The following SUPT7L variants were observed in gnomAD, a reference collection of about 807,000 sequenced individuals.
The protein encoded by SUPT7L is SPT7 like, STAGA complex subunit gamma.
A neutral mutation model predicts 35.7 loss-of-function variants in SUPT7L; 15 were observed. The observed-to-expected ratio is 0.42, with a 90% CI of 0.28 to 0.65. SUPT7L has a LOEUF of 0.65. SUPT7L is among the 30% of genes least tolerant of loss of function. The pLI, the probability that SUPT7L is intolerant of heterozygous loss-of-function variation, is 0.23. For missense variants in SUPT7L, 434 were observed against 522.2 expected, an observed-to-expected ratio of 0.83 and a Z score of 1.65; for synonymous variants, 168 against 186.2, an observed-to-expected ratio of 0.90 and a Z score of 0.79.
At chr2:27,642,950 T>TACACACACACACACAC in the SUPT7L span, among the ~76,000 whole-genome samples, 3 of 37,586 alleles carry the variant, frequency 8.0e-5, no homozygotes, top group African/African-American at 1.6e-4. Context: ...GTTTTATATA[T>TACACACACACACACAC]ATATATATAC....
At position 27,652,983 on chromosome 2, in the gene SUPT7L, T is replaced by C. The variant is rs531724824; in HGVS notation, c.*502A>G. 3 of 160,080 alleles carry C rather than the reference T, an allele frequency of 1.9e-5. No homozygotes were observed. In the East Asian group the frequency reaches 5.4e-4, roughly 29 times the overall value. 9.9% of individuals were successfully genotyped at this position (160,080 alleles called of 1,614,324 possible). ...ACTAATAGATAAGGTGTGTTGTGTT[T>C]AGCTATTTCCTGTTAGGTATTAGTA... On this transcript the variant is annotated 3_prime_UTR_variant, in exon 6 of 6. Coordinates refer to ENST00000337768, the MANE Select transcript of SUPT7L (RefSeq NM_014860.3).
chr2:27,660,142 A>G (rs142561016), intron 3 of SUPT7L, among the ~76,000 whole-genome samples: 1 of 152,076 alleles, frequency 6.6e-6, no homozygotes, highest in African/African-American at 2.4e-5. Flanking sequence ...GAGATTCTGC[A>G]TATCTAAAAA....
At position 27,655,373 on chromosome 2, in the gene SUPT7L, T is replaced by C; in HGVS notation, c.974A>G (p.Gln325Arg). The C allele has an allele frequency of 6.4e-7, 1 of 1,561,650 alleles. No homozygotes were observed. The highest frequency in any genetic ancestry group is 8.6e-7 in the Non-Finnish European group (1 of 1,156,544). ...AAGTTTATTTGTCTTACTTGAAGCC[T>C]GTGGTGAAGCTTCAACCTCCAGGTT... The part of the protein sequence containing the change: ...PSNLEVEASP[Q>R]ASSAEVNASP... Residue 325 changes from glutamine to arginine, a missense_variant, in exon 5 of 6, where the codon CAG (glutamine) becomes CGG (arginine). Coordinates refer to ENST00000337768, the MANE Select transcript of SUPT7L (RefSeq NM_014860.3).
the SUPT7L span, among the ~76,000 whole-genome samples, chr2:27,643,175 A>ATTTTTTTTATAATTAAAAAAAATTT: frequency 6.7e-6 from 1 of 149,724 alleles, no homozygotes; most frequent in East Asian, 1.9e-4. This position sits in a 1 kb window ranked among gnomAD's most constrained non-coding sequence, Gnocchi z 4.0. Context: ...ACCCTCCTCA[A>ATTTTTTTTATAATTAAAAAAAATTT]TTTTTTTTAT....
chr2:27,657,781 G>T lies in SUPT7L; in HGVS notation c.420-112C>A. ...CAAGCCACTGGCCTAGCTTTCCAGGGAAATTCCATCCAAGTTACATAGCTC... is the reference window on the plus strand; with the variant it reads ...CAAGCCACTGGCCTAGCTTTCCAGGTAAATTCCATCCAAGTTACATAGCTC... On this transcript the variant is annotated intron_variant, in intron 3 of 5. Coordinates refer to ENST00000337768, the MANE Select transcript of SUPT7L (RefSeq NM_014860.3). This position sits in a 1 kb window ranked among gnomAD's most constrained non-coding sequence, Gnocchi z 5.2. 9.5e-7 allele frequency: 1 copy of T among 1,052,636 alleles called. No individual in the cohort carries two copies. The allele number at this position is 1,052,636 out of a possible 1,614,324, so 65.2% of individuals were successfully genotyped here.
In SUPT7L at chr2:27,651,019, T is replaced by G. The variant is rs1425663740; in HGVS notation, c.*2466A>C. On this transcript the variant is annotated 3_prime_UTR_variant, in exon 6 of 6. Transcript: ENST00000337768. Reference sequence around the variant, plus strand: ...TGCACATACTGACTAAATACAGAGCTAGGCCCAGTTTGTATTGTACTCTGA... The same window carrying G: ...TGCACATACTGACTAAATACAGAGCGAGGCCCAGTTTGTATTGTACTCTGA... 6.6e-6 allele frequency: 1 copy of G among 152,368 alleles called. No homozygotes were observed. Among genetic ancestry groups the G allele is most frequent in the Non-Finnish European group, 1.5e-5 (1 of 68,042 alleles). The allele number at this position is 152,368 out of a possible 1,614,324, so 9.4% of individuals were successfully genotyped here.
At chr2:27,649,965 G>T (rs955111185), downstream of SUPT7L, 8 of 535,830 alleles carry the variant, frequency 1.5e-5, no homozygotes, top group Middle Eastern at 2.8e-4. Context: ...GCATGATAGA[G>T]CATGCTTCTA....
rs868536016 is a variant in SUPT7L at position 27,651,188 on chromosome 2, A to T, written c.*2297T>A. 6.6e-6 allele frequency: 1 copy of T among 152,336 alleles called. No homozygotes were observed. Among genetic ancestry groups the T allele is most frequent in the Non-Finnish European group, 1.5e-5 (1 of 68,040 alleles). The allele number at this position is 152,336 out of a possible 1,614,324, so 9.4% of individuals were successfully genotyped here. A position where few individuals can be genotyped will look rare whatever the true frequency, so the allele number is the denominator to read the frequency against. ...TAAAACAGTACATTTCTTTCAAAGA[A>T]TTTTATCTCTATGAGTCAGTACTCC... On this transcript the variant is annotated 3_prime_UTR_variant, in exon 6 of 6. Transcript: ENST00000337768.
intron 5 of SUPT7L, 126 bp from the exon 6 acceptor site, chr2:27,653,873 A>T (rs1334682876): frequency 1.1e-5 from 14 of 1,234,702 alleles, no homozygotes; most frequent in Non-Finnish European, 1.4e-5. Flanking sequence ...CTGATTCTGT[A>T]CTTGGCTGGA....
chr2:27,656,862 CT>C (rs1674828961), intron 4 of SUPT7L, among the ~76,000 whole-genome samples: 1 of 152,134 alleles, frequency 6.6e-6, no homozygotes, highest in Admixed American at 6.5e-5. Flanking sequence ...TGGTCTTGAA[CT>C]CCTGGCCTCA....
chr2:27,655,425 C>A lies in SUPT7L; in HGVS notation c.922G>T (p.Gly308Trp), dbSNP rs749825803. ...GATGGGAAGCGTTCGCTCTGAGCCC[C>A]AAGCACTCCCATAGGCAGTGACTGG... ...GDQSLPMGVL[G>W]AQSERFPSNL... The change falls in exon 5 of 6, where the codon GGG becomes TGG. Residue 308 changes from glycine to tryptophan, a missense_variant. Physicochemically the swap from Gly to Trp is radical, Grantham distance 184 (BLOSUM62 -2). Transcript: ENST00000337768. 6.2e-6 allele frequency: 10 copies of A among 1,613,014 alleles called. No individual in the cohort carries two copies. The highest frequency in any genetic ancestry group is 8.5e-6 in the Non-Finnish European group (10 of 1,179,568).
At position 27,653,419 on chromosome 2, in the gene SUPT7L, T is replaced by G; in HGVS notation, c.*66A>C. On this transcript the variant is annotated 3_prime_UTR_variant, in exon 6 of 6. Coordinates refer to ENST00000337768, the MANE Select transcript of SUPT7L (RefSeq NM_014860.3). Reference sequence around the variant, plus strand: ...TCAAATCAATTTTTAAGGAAACAGATTCTAATACAAAAACCTTTTCTGTTG... The same window carrying G: ...TCAAATCAATTTTTAAGGAAACAGAGTCTAATACAAAAACCTTTTCTGTTG... 1 of 1,541,584 alleles carries G rather than the reference T, an allele frequency of 6.5e-7. No individual in the cohort carries two copies. Among genetic ancestry groups the G allele is most frequent in the Non-Finnish European group, 8.7e-7 (1 of 1,150,236 alleles).
At chr2:27,661,642 A>T (rs1374974581) in intron 2 of SUPT7L, 4 of 1,344,088 alleles carry the variant, frequency 3.0e-6, no homozygotes, top group Non-Finnish European at 3.8e-6. Flanking sequence ...GATGCTGGTT[A>T]TTGTCATACT....
chr2:27,653,775 A>C (rs749420105), intron 5 of SUPT7L, 28 bp from the exon 6 acceptor site: 1 of 1,613,912 alleles, frequency 6.2e-7, no homozygotes, highest in South Asian at 1.1e-5. Flanking sequence ...ATGGACATAC[A>C]CCAAGTGTAT....
intron 3 of SUPT7L, among the ~76,000 whole-genome samples, chr2:27,659,577 A>G (rs1418886705): frequency 6.6e-6 from 1 of 152,234 alleles, no homozygotes; most frequent in African/African-American, 2.4e-5. Context: ...GATATTTTGT[A>G]AATATACTTA....
rs940543642 is a variant in SUPT7L at position 27,651,040 on chromosome 2, T to C, written c.*2445A>G. 2 of 152,384 alleles carry C rather than the reference T, an allele frequency of 1.3e-5. No homozygotes were observed. The highest frequency in any genetic ancestry group is 4.8e-5 in the African/African-American group (2 of 41,460). The allele number at this position is 152,384 out of a possible 1,614,324, so 9.4% of individuals were successfully genotyped here. On this transcript the variant is annotated 3_prime_UTR_variant, in exon 6 of 6. Coordinates refer to ENST00000337768, the MANE Select transcript of SUPT7L (RefSeq NM_014860.3). The stretch of plus-strand genomic sequence containing the variant: ...GAGCTAGGCCCAGTTTGTATTGTAC[T>C]CTGAACTTAATGCAAAGTCTCCTTG...
rs138943029 is a variant in SUPT7L at position 27,652,440 on chromosome 2, G to T, written c.*1045C>A. ...TAACATGCTGGCATCCATCACCAAG[G>T]CATGAAGCAACACATTTGCTAATGA... is the stretch of plus-strand genomic sequence containing the variant. On this transcript the variant is annotated 3_prime_UTR_variant, in exon 6 of 6. Transcript: ENST00000337768. 13 of 152,374 alleles carry T rather than the reference G, an allele frequency of 8.5e-5. No individual in the cohort carries two copies. In the East Asian group the frequency reaches 2.1e-3, roughly 24 times the overall value. 9.4% of individuals were successfully genotyped at this position (152,374 alleles called of 1,614,324 possible).
rs1376034250 is a variant in SUPT7L at position 27,657,011 on chromosome 2, C to T, written c.744+334G>A. 1.3e-5 allele frequency among the ~76,000 whole-genome samples: 2 copies of T among 152,180 alleles called. No homozygotes were observed. The highest frequency in any genetic ancestry group is 2.9e-5 in the Non-Finnish European group (2 of 68,036). On this transcript the variant is annotated intron_variant, in intron 4 of 5. Transcript: ENST00000337768. The surrounding 1 kb of genome is among the most constrained non-coding windows in gnomAD (Gnocchi z 5.2). Reference sequence around the variant, plus strand: ...TCAAAAACAATGTAAACTCAGGTAACTTAGTAACTGCTGAATCCCACAATG... The same window carrying T: ...TCAAAAACAATGTAAACTCAGGTAATTTAGTAACTGCTGAATCCCACAATG...
intron 2 of SUPT7L, 102 bp downstream of exon 2, chr2:27,662,077 C>T: frequency 6.5e-7 from 1 of 1,543,076 alleles, no homozygotes; most frequent in Non-Finnish European, 8.9e-7. Flanking sequence ...TAGACTTACT[C>T]TTTTTAAAAC....
Sources: gnomAD v4.1 joint callset for allele counts (sites outside exome capture counted in the v4.1 genomes callset) on GRCh38, gnomAD v4.1.1 for gene constraint, Gnocchi (gnomAD v3.1) non-coding constraint, MANE v1.5 for transcripts, NCBI Gene and HGNC (gene_info 2026-07-23, HGNC 2026-07-21) for gene names.